The following PRKG1 variants were observed in gnomAD, a reference collection of about 807,000 sequenced individuals.
PRKG1 encodes protein kinase cGMP-dependent 1.
Under a neutral mutation model 88.1 loss-of-function variants are expected in PRKG1, and 35 were observed. The ratio of observed to expected loss-of-function variants is 0.40; its 90% CI spans 0.30 to 0.53. PRKG1 has a LOEUF of 0.53. PRKG1 is among the 20% of genes least tolerant of loss of function. The pLI is 0.59. For synonymous variants in PRKG1, 303 were observed against 292.5 expected (o/e 1.04, Z -0.37); for missense variants, 540 against 839.8 (o/e 0.64, Z 4.41).
chr10:52,050,798 A>G (rs939437251), intron 5 of PRKG1, among the ~76,000 whole-genome samples: 6 of 152,236 alleles, frequency 3.9e-5, no homozygotes, highest in Admixed American at 2.6e-4. Flanking sequence ...AAGTTTCAAG[A>G]ATTAAATAGA....
chr10:52,021,382 G>A (rs968450596), intron 5 of PRKG1, among the ~76,000 whole-genome samples: 3 of 152,188 alleles, frequency 2.0e-5, no homozygotes, highest in Non-Finnish European at 2.9e-5. Context: ...AAGGTATCTG[G>A]TTTAGTGCCA....
rs370651798 is a variant in PRKG1 at position 51,058,976 on chromosome 10, G to A, written c.266+67332G>A. On this transcript the variant is annotated intron_variant, in intron 1 of 17. Transcript: ENST00000401604. ...TAGCTTATGTATGTAGGTTTATTTC[G>A]GAGCTCTCCATTGTAATCTATTGAA... is the stretch of plus-strand genomic sequence containing the variant. Among the ~76,000 whole-genome samples the A allele has an allele frequency of 1.3e-3, 200 of 152,126 alleles. 1 individual carries two copies. Among genetic ancestry groups the A allele is most frequent in the African/African-American group, 4.6e-3 (193 of 41,506 alleles).
chr10:51,111,565 C>G (rs900183861), intron 1 of PRKG1, among the ~76,000 whole-genome samples: 1 of 152,030 alleles, frequency 6.6e-6, no homozygotes, highest in Non-Finnish European at 1.5e-5. Flanking sequence ...AAAGGGACTA[C>G]CTATTGGACT....
chr10:51,196,171 T>G (rs1310257212), intron 2 of PRKG1, among the ~76,000 whole-genome samples: 2 of 152,208 alleles, frequency 1.3e-5, no homozygotes, highest in Non-Finnish European at 2.9e-5. Context: ...GTGTTTAGCA[T>G]TATTGCCTTT....
At chr10:51,946,578 C>A (rs7923167) in intron 5 of PRKG1, among the ~76,000 whole-genome samples, 26,635 of 151,874 alleles carry the variant, frequency 0.18, 3,157 homozygotes, top group East Asian at 0.35. Flanking sequence ...GTTTTTTCCC[C>A]ATCTTTGTGG....
chr10:52,181,419 CTTTTTTT>C (rs761799361), intron 9 of PRKG1, among the ~76,000 whole-genome samples: 14 of 55,068 alleles, frequency 2.5e-4, no homozygotes, highest in East Asian at 2.5e-3. Flanking sequence ...CACAGCTCTT[CTTTTTTT>C]TTTTTTTTTT....
chr10:51,261,356 G>T (rs1839699800), intron 2 of PRKG1, among the ~76,000 whole-genome samples: 1 of 152,126 alleles, frequency 6.6e-6, no homozygotes, highest in South Asian at 2.1e-4. Flanking sequence ...TTTGTTTGGG[G>T]TATTATGATA....
intron 2 of PRKG1, among the ~76,000 whole-genome samples, chr10:51,312,252 C>T (rs1170688082): frequency 6.6e-6 from 1 of 152,100 alleles, no homozygotes; most frequent in African/African-American, 2.4e-5. Flanking sequence ...TCTAGGTATT[C>T]CCTTATCTTT....
rs116709717 is a variant in PRKG1, at chr10:52,013,492, A to G, written c.763-40992A>G. On this transcript the variant is annotated intron_variant, in intron 5 of 17. Coordinates refer to ENST00000373980, the MANE Select transcript of PRKG1 (RefSeq NM_006258.4). Reference sequence around the variant, plus strand: ...TGACTGGGAAAATAAAGTGAGGAGGAGGAGGTAGTATTTTTGCTGTCTCTT... The same window carrying G: ...TGACTGGGAAAATAAAGTGAGGAGGGGGAGGTAGTATTTTTGCTGTCTCTT... 3.6e-3 allele frequency among the ~76,000 whole-genome samples: 552 copies of G among 151,572 alleles called. 5 individuals carry two copies. The highest frequency in any genetic ancestry group is 0.013 in the African/African-American group (518 of 41,322).
At chr10:51,549,834 G>A (rs374660209) in intron 3 of PRKG1, among the ~76,000 whole-genome samples, 33 of 152,060 alleles carry the variant, frequency 2.2e-4, no homozygotes, top group Admixed American at 5.9e-4. Flanking sequence ...TTAGCCTTCC[G>A]ATAAGGCAAT....
At position 52,245,147 on chromosome 10, in the gene PRKG1, T is replaced by G. The variant is rs930800124; in HGVS notation, c.1077-6423T>G. ...TCAGTACATGGCCAGCATTATATTT[T>G]GGATATATCATAGACCAGATCTATA... is the stretch of plus-strand genomic sequence containing the variant. On this transcript the variant is annotated intron_variant, in intron 9 of 17. Transcript: ENST00000373980. Among the ~76,000 whole-genome samples, 5 of 151,896 alleles carry G rather than the reference T, an allele frequency of 3.3e-5. No homozygotes were observed. In the East Asian group the frequency reaches 9.7e-4, roughly 29 times the overall value.
chr10:51,915,128 G>T (rs564366849), intron 5 of PRKG1, among the ~76,000 whole-genome samples: 26 of 152,262 alleles, frequency 1.7e-4, no homozygotes, highest in African/African-American at 5.1e-4. Flanking sequence ...TTACTGTCCT[G>T]TGTTGACATC....
intron 2 of PRKG1, among the ~76,000 whole-genome samples, chr10:51,210,102 T>C (rs994603086): frequency 1.3e-5 from 2 of 151,962 alleles, no homozygotes; most frequent in Admixed American, 1.3e-4. Flanking sequence ...GAACAGAAAT[T>C]ATAACAAACT....
At chr10:52,148,291 A>G (rs1385431018) in intron 8 of PRKG1, among the ~76,000 whole-genome samples, 1 of 152,120 alleles carries the variant, frequency 6.6e-6, no homozygotes, top group Non-Finnish European at 1.5e-5. Flanking sequence ...GCTGTTAACC[A>G]TCCTACAATG....
chr10:51,296,037 G>A (rs1340553872), intron 2 of PRKG1, among the ~76,000 whole-genome samples: 2 of 152,074 alleles, frequency 1.3e-5, no homozygotes, highest in East Asian at 3.9e-4. Flanking sequence ...CTTGGTCACG[G>A]TGTATGATCC....
chr10:51,854,709 G>GTAC, intron 4 of PRKG1, among the ~76,000 whole-genome samples: 1 of 152,300 alleles, frequency 6.6e-6, no homozygotes, highest in Admixed American at 6.5e-5. Flanking sequence ...CTAGGAGGAT[G>GTAC]TACACCAAAC....
chr10:51,513,254 A>T (rs1449248172), intron 3 of PRKG1, among the ~76,000 whole-genome samples: 1 of 145,234 alleles, frequency 6.9e-6, no homozygotes, highest in Non-Finnish European at 1.5e-5. Context: ...AAAGAAGGCC[A>T]TTACATAATG....
chr10:51,393,193 C>A lies in PRKG1; in HGVS notation c.479-74530C>A, dbSNP rs183437118. ...CACCTCCCAGACGGGGTCGCGGGGC[C>A]GGGCAGAGGCGCTCCTCACATCCCA... On this transcript the variant is annotated intron_variant, in intron 2 of 17. Coordinates refer to ENST00000373980, the MANE Select transcript of PRKG1 (RefSeq NM_006258.4). 5.3e-4 allele frequency among the ~76,000 whole-genome samples: 78 copies of A among 148,482 alleles called. No individual in the cohort carries two copies. The East Asian group carries it at 0.015, about 28-fold the overall frequency.
At chr10:52,170,740 A>G (rs1008755891) in intron 9 of PRKG1, among the ~76,000 whole-genome samples, 3 of 152,174 alleles carry the variant, frequency 2.0e-5, no homozygotes, top group Non-Finnish European at 4.4e-5. Context: ...ACTGTCTGAT[A>G]TTTTCAGGAT....
Sources: gnomAD v4.1 joint callset for allele counts (sites outside exome capture counted in the v4.1 genomes callset) on GRCh38, gnomAD v4.1.1 for gene constraint, MANE v1.5 for transcripts, NCBI Gene and HGNC (gene_info 2026-07-23, HGNC 2026-07-21) for gene names.